The following HEATR4 variants were observed in gnomAD, a reference collection of about 807,000 sequenced individuals.
HEATR4 encodes the protein HEAT repeat containing 4.
In HEATR4, 95 loss-of-function variants were observed where a neutral mutation model predicts 108.8. The observed-to-expected ratio is 0.87, with a 90% CI of 0.74 to 1.04. The LOEUF is 1.04. HEATR4 is among the 50% of genes least tolerant of loss of function. The probability of loss-of-function intolerance (pLI) is 0.00; values close to 1 mark genes in which losing one functional copy is unlikely to be tolerated. For missense variants in HEATR4, 1,152 were observed against 1,253.8 expected, an observed-to-expected ratio of 0.92 and a Z score of 1.23; for synonymous variants, 443 against 459.4, an observed-to-expected ratio of 0.96 and a Z score of 0.46.
the HEATR4 span, among the ~76,000 whole-genome samples, chr14:73,605,134 C>T: frequency 6.6e-6 from 1 of 151,540 alleles, no homozygotes; most frequent in East Asian, 1.9e-4. Flanking sequence ...AAAACAAGAT[C>T]CAAGAAGAAA....
At chr14:73,620,288 C>CT in the HEATR4 span, among the ~76,000 whole-genome samples, 2 of 152,188 alleles carry the variant, frequency 1.3e-5, no homozygotes, top group African/African-American at 4.8e-5. Context: ...TTGTCAGGTC[C>CT]TCCCTGATTC....
chr14:73,498,379 C>A, intron 13 of HEATR4, 35 bp from the exon 14 acceptor site: 1 of 1,526,934 alleles, frequency 6.5e-7, no homozygotes, highest in Non-Finnish European at 8.9e-7. Flanking sequence ...TCACTGAAGA[C>A]TGAGCTTACT....
chr14:73,478,906 C>A, intron 17 of HEATR4, 64 bp from the exon 18 acceptor site: 1 of 1,232,846 alleles, frequency 8.1e-7, no homozygotes, highest in South Asian at 1.4e-5. Context: ...CGGCAGAGCC[C>A]AAGTGAAGGC....
At chr14:73,505,888 TTC>T (rs1276289509) in intron 10 of HEATR4, among the ~76,000 whole-genome samples, 1 of 130,838 alleles carries the variant, frequency 7.6e-6, no homozygotes, top group Non-Finnish European at 1.7e-5. Flanking sequence ...CTATAAACGT[TTC>T]TTTTTTTTTT....
chr14:73,590,856 C>T, the HEATR4 span, among the ~76,000 whole-genome samples: 2 of 152,180 alleles, frequency 1.3e-5, no homozygotes, highest in Non-Finnish European at 2.9e-5. Flanking sequence ...CGACTCCGGC[C>T]TTGGCCAGCC....
chr14:73,522,565 C>G lies in HEATR4; in HGVS notation c.588G>C (p.Glu196Asp). The G allele has an allele frequency of 6.2e-7, 1 of 1,614,162 alleles. No individual in the cohort carries two copies. Among genetic ancestry groups the G allele is most frequent in the South Asian group, 1.1e-5 (1 of 91,086 alleles). Reference sequence around the variant, plus strand: ...TGGCCTCCCACGCTCTGGCCTCCTTCTCAGGAGGCAGAAGCCAGGCTTCTC... The same window carrying G: ...TGGCCTCCCACGCTCTGGCCTCCTTGTCAGGAGGCAGAAGCCAGGCTTCTC... ...EEREAWLLPP[E>D]KEARAWEATV... is the part of the protein sequence containing the mutation. The change falls in exon 3 of 18, where the codon GAG becomes GAC. Residue 196 changes from glutamate to aspartate, a missense_variant. By Grantham distance (45) the Glu-to-Asp change is conservative. Coordinates refer to ENST00000553558, the MANE Select transcript of HEATR4 (RefSeq NM_001220484.1).
chr14:73,628,079 G>C, the HEATR4 span, among the ~76,000 whole-genome samples: 2 of 152,154 alleles, frequency 1.3e-5, no homozygotes, highest in African/African-American at 4.8e-5. Flanking sequence ...AAAGTGCTGG[G>C]ATTACAGGCG....
chr14:73,509,391 C>T lies in HEATR4; in HGVS notation c.1641G>A (p.Met547Ile), dbSNP rs1887059105. ...TGGCATATTGGCATATTGCTGCTGC[C>T]ATCCGCACATGGGCATTCTTGTCAC... is the stretch of plus-strand genomic sequence containing the variant. ...ALCDKNAHVRMAAAICQYAIQ... is the reference protein window; with the variant it reads ...ALCDKNAHVRIAAAICQYAIQ... The change falls in exon 8 of 18, where the codon ATG becomes ATA. Residue 547 changes from methionine to isoleucine, a missense_variant. Transcript: ENST00000553558. 6.2e-7 allele frequency: 1 copy of T among 1,613,978 alleles called. No homozygotes were observed. The highest frequency in any genetic ancestry group is 8.5e-7 in the Non-Finnish European group (1 of 1,180,018).
At chr14:73,590,558 G>C in the HEATR4 span, among the ~76,000 whole-genome samples, 1 of 152,226 alleles carries the variant, frequency 6.6e-6, no homozygotes, top group Non-Finnish European at 1.5e-5. Context: ...GGCTCGGACC[G>C]CGCAGAAGCT....
rs34660727 is a variant in HEATR4, at chr14:73,506,804, G to GTTTTTTTTTTTTT, written c.1882-246_1882-234dup. Among the ~76,000 whole-genome samples, 102 of 80,486 alleles carry GTTTTTTTTTTTTT rather than the reference G, an allele frequency of 1.3e-3. 24 individuals are homozygous for GTTTTTTTTTTTTT. Among genetic ancestry groups the GTTTTTTTTTTTTT allele is most frequent in the African/African-American group, 4.7e-3 (95 of 20,420 alleles). 52.8% of individuals were successfully genotyped at this position (80,486 alleles called of 152,430 possible). A position where few individuals can be genotyped will look rare whatever the true frequency, so the allele number is the denominator to read the frequency against. ...GGACCTTCCTTTCCTGACTTTAACT[G>GTTTTTTTTTTTTT]TTTTTTTTTTTTTTTTTTTTTCTGA... On this transcript the variant is annotated intron_variant, in intron 9 of 17. Coordinates refer to ENST00000553558, the MANE Select transcript of HEATR4 (RefSeq NM_001220484.1).
the HEATR4 span, among the ~76,000 whole-genome samples, chr14:73,586,901 T>TGC: frequency 3.3e-5 from 5 of 152,028 alleles, no homozygotes; most frequent in Non-Finnish European, 7.4e-5. Flanking sequence ...GATGGAGTCT[T>TGC]GCTCTGTTGC....
the HEATR4 span, among the ~76,000 whole-genome samples, chr14:73,621,912 C>G: frequency 4.6e-5 from 7 of 151,776 alleles, no homozygotes; most frequent in African/African-American, 1.7e-4. Context: ...TACAGGCATG[C>G]ACCACCAAAC....
the HEATR4 span, chr14:73,595,505 T>A: frequency 1.2e-6 from 2 of 1,613,734 alleles, no homozygotes; most frequent in Non-Finnish European, 1.7e-6. Flanking sequence ...GTGCCCAGCT[T>A]CCCTTCACAG....
Position 73,543,213 on chromosome 14 carries a change from T to C in HEATR4, c.-151-12969A>G, listed in dbSNP as rs148598881. 1.3e-3 allele frequency: 2,117 copies of C among 1,603,730 alleles called. 111 individuals are homozygous for C. The South Asian group carries it at 0.017, about 13-fold the overall frequency. ...TACAAGGGCGAGACCCTGCCCCCTG[T>C]GGGCGTCAACAGAAATCGCATCAAG... On this transcript the variant is annotated intron_variant, in intron 1 of 17. Transcript: ENST00000553558.
intron 11 of HEATR4, among the ~76,000 whole-genome samples, chr14:73,501,008 T>G (rs1186302847): frequency 6.6e-6 from 1 of 152,256 alleles, no homozygotes; most frequent in Non-Finnish European, 1.5e-5. Flanking sequence ...CTTTTCACAG[T>G]CAAGTTCTCT....
chr14:73,619,161 GA>G, the HEATR4 span: 4 of 1,485,890 alleles, frequency 2.7e-6, no homozygotes, highest in Non-Finnish European at 3.6e-6. Flanking sequence ...GCTACTTGGA[GA>G]ATGTAAAATC....
the HEATR4 span, among the ~76,000 whole-genome samples, chr14:73,591,537 G>T: frequency 4.2e-5 from 6 of 141,696 alleles, no homozygotes; most frequent in African/African-American, 1.5e-4. Flanking sequence ...AGGAGACTCT[G>T]TTTCAAAAAA....
the HEATR4 span, chr14:73,593,905 G>A: frequency 1.5e-5 from 24 of 1,608,936 alleles, no homozygotes; most frequent in Middle Eastern, 1.6e-4. Context: ...ACATCCCCAG[G>A]TTCTCCTCAT....
chr14:73,507,189 C>T (rs978222765), intron 9 of HEATR4, among the ~76,000 whole-genome samples: 2 of 152,178 alleles, frequency 1.3e-5, no homozygotes, highest in Admixed American at 1.3e-4. Flanking sequence ...AGTAACTAAA[C>T]ACAAATATAG....
Sources: gnomAD v4.1 joint callset for allele counts (sites outside exome capture counted in the v4.1 genomes callset) on GRCh38, gnomAD v4.1.1 for gene constraint, MANE v1.5 for transcripts, NCBI Gene and HGNC (gene_info 2026-07-23, HGNC 2026-07-21) for gene names.